CEP89: variants seen among roughly 807,000 people sequenced by gnomAD.
CEP89 encodes centrosomal protein of 89 kDa.
Under a neutral mutation model 97.6 loss-of-function variants are expected in CEP89, and 95 were observed. That is an observed-to-expected ratio of 0.97 (90% CI 0.82 to 1.15). The LOEUF is 1.15. Ranked by LOEUF, CEP89 falls within the 50% of genes most tolerant of loss-of-function variation. The pLI, the probability that CEP89 is intolerant of heterozygous loss-of-function variation, is 0.00. For missense variants in CEP89, 869 were observed against 947.7 expected, an observed-to-expected ratio of 0.92 and a Z score of 1.09; for synonymous variants, 354 against 349.1, an observed-to-expected ratio of 1.01 and a Z score of -0.16.
At chr19:32,944,670 AG>A (rs75356932) in intron 5 of CEP89, among the ~76,000 whole-genome samples, 8,576 of 152,242 alleles carry the variant, frequency 0.056, 294 homozygotes, top group South Asian at 0.15. Context: ...TACTAGCAAG[AG>A]GGGACTGTGG....
intron 4 of CEP89, among the ~76,000 whole-genome samples, chr19:32,949,417 A>G (rs1970866029): frequency 6.6e-6 from 1 of 151,086 alleles, no homozygotes; most frequent in Non-Finnish European, 1.5e-5. Flanking sequence ...ACATGGTCTC[A>G]CTCTGTCACC....
Position 32,926,276 on chromosome 19 carries a change from G to A in CEP89, c.1081-3C>T, listed in dbSNP as rs1378574344. ...GGTGACAGGTACTTTATATCCAACT[G>A]AAGATAGAGAGTAAAGGAAGGTTAA... is the stretch of plus-strand genomic sequence containing the variant. On this transcript the variant is annotated splice_polypyrimidine_tract_variant and splice_region_variant and intron_variant, in intron 10 of 18. Transcript: ENST00000305768. The A allele has an allele frequency of 1.3e-6, 2 of 1,597,546 alleles. No individual in the cohort carries two copies. Among genetic ancestry groups the A allele is most frequent in the Admixed American group, 1.7e-5 (1 of 59,866 alleles).
chr19:32,932,178 C>G (rs2145929390), intron 8 of CEP89, among the ~76,000 whole-genome samples: 1 of 139,632 alleles, frequency 7.2e-6, no homozygotes, highest in South Asian at 2.3e-4. Context: ...GAGACTCCAT[C>G]TCACAAAAAA....
At chr19:32,889,590 A>G (rs1221372652) in intron 16 of CEP89, among the ~76,000 whole-genome samples, 14 of 152,058 alleles carry the variant, frequency 9.2e-5, no homozygotes, top group Non-Finnish European at 1.9e-4. Context: ...GCCCACAAAT[A>G]TTGGGGGTGG....
chr19:32,896,765 GTCTC>G (rs199765675), intron 16 of CEP89, among the ~76,000 whole-genome samples: 3 of 150,946 alleles, frequency 2.0e-5, no homozygotes, highest in African/African-American at 7.3e-5. Context: ...AGTTCTCTCT[GTCTC>G]TCTCTCTCTC....
At chr19:32,956,909 CTATAGAG>C (rs879398977) in intron 3 of CEP89, among the ~76,000 whole-genome samples, 1 of 152,090 alleles carries the variant, frequency 6.6e-6, no homozygotes, top group Non-Finnish European at 1.5e-5. Flanking sequence ...ATTTGTGTGT[CTATAGAG>C]TATAGTCCTT....
chr19:32,899,526 C>A (rs1416333652), intron 16 of CEP89, among the ~76,000 whole-genome samples: 2 of 152,080 alleles, frequency 1.3e-5, no homozygotes, highest in Non-Finnish European at 2.9e-5. Flanking sequence ...AACTGTATAT[C>A]AAAAATGCAT....
At chr19:32,918,941 G>A (rs1455913973) in intron 12 of CEP89, among the ~76,000 whole-genome samples, 1 of 140,794 alleles carries the variant, frequency 7.1e-6, no homozygotes, top group East Asian at 2.1e-4. Context: ...CTGGAGTGCA[G>A]TGGCGCAATC....
intron 2 of CEP89, among the ~76,000 whole-genome samples, chr19:32,960,724 C>T (rs1313895076): frequency 2.0e-5 from 3 of 151,680 alleles, no homozygotes; most frequent in East Asian, 3.9e-4. Context: ...GCAGGAGAAT[C>T]GGTTGAACCC....
intron 11 of CEP89, among the ~76,000 whole-genome samples, chr19:32,925,739 C>T (rs576907662): frequency 6.2e-4 from 94 of 152,172 alleles, no homozygotes; most frequent in Non-Finnish European, 1.2e-3. Context: ...CCACCCACCT[C>T]GGCCTCCCAA....
intron 14 of CEP89, among the ~76,000 whole-genome samples, chr19:32,908,782 C>A (rs955895970): frequency 4.6e-5 from 7 of 152,242 alleles, no homozygotes; most frequent in Admixed American, 1.3e-4. Flanking sequence ...GCTGAACCAG[C>A]GCTCACACCG....
At chr19:32,902,964 G>A (rs1473244152) in intron 14 of CEP89, among the ~76,000 whole-genome samples, 1 of 152,194 alleles carries the variant, frequency 6.6e-6, no homozygotes, top group African/African-American at 2.4e-5. Context: ...CCTTAGAAGA[G>A]TGTTACTGTC....
rs1414401240 is a variant in CEP89, at chr19:32,915,385, C to T, written c.1517G>A (p.Gly506Asp). 7 of 1,612,144 alleles carry T rather than the reference C, an allele frequency of 4.3e-6. No individual in the cohort carries two copies. The highest frequency in any genetic ancestry group is 5.9e-6 in the Non-Finnish European group (7 of 1,179,426). ...TTTATGAACTTCCACTGCGATTTTG[C>T]CATCCGAGTGTGTTTTGAGTTCTTG... ...KCQELKTHSD[G>D]KIAVEVHKSI... Residue 506 changes from glycine to aspartate, a missense_variant, in exon 14 of 19, where the codon GGC (glycine) becomes GAC (aspartate). By Grantham distance (94) the Gly-to-Asp change is moderately conservative. Transcript: ENST00000305768.
intron 16 of CEP89, among the ~76,000 whole-genome samples, chr19:32,891,485 CATA>C (rs1969516512): frequency 6.6e-6 from 1 of 152,082 alleles, no homozygotes; most frequent in African/African-American, 2.4e-5. Flanking sequence ...TCCAAAGGAA[CATA>C]ATAATTCTCC....
chr19:32,950,717 G>A (rs1970894699), intron 4 of CEP89, among the ~76,000 whole-genome samples: 1 of 152,130 alleles, frequency 6.6e-6, no homozygotes, highest in South Asian at 2.1e-4. Flanking sequence ...TGTACATCAA[G>A]GGACACATCG....
At chr19:32,946,766 G>A (rs1970806553) in intron 5 of CEP89, among the ~76,000 whole-genome samples, 1 of 152,022 alleles carries the variant, frequency 6.6e-6, no homozygotes, top group South Asian at 2.1e-4. Context: ...TCTCTTGTCT[G>A]CTTCCATGTA....
chr19:32,924,858 C>G (rs569342287), intron 11 of CEP89, among the ~76,000 whole-genome samples: 1 of 152,264 alleles, frequency 6.6e-6, no homozygotes, highest in South Asian at 2.1e-4. Flanking sequence ...CAGGTGCAAA[C>G]AGAAACTGCA....
intron 16 of CEP89, among the ~76,000 whole-genome samples, chr19:32,892,202 C>CATATATATAT (rs71336973): frequency 3.3e-4 from 38 of 115,026 alleles, no homozygotes; most frequent in East Asian, 7.1e-4. Context: ...TATATTTAGA[C>CATATATATAT]ATATATATAT....
chr19:32,879,821 T>C (rs1157796293), intron 18 of CEP89, among the ~76,000 whole-genome samples: 2 of 152,236 alleles, frequency 1.3e-5, no homozygotes, highest in Admixed American at 6.5e-5. Flanking sequence ...GCCCCTCCTG[T>C]GTCCCGTCTG....
Sources: allele counts gnomAD v4.1 joint callset (sites outside exome capture counted in the v4.1 genomes callset), GRCh38; gene constraint gnomAD v4.1.1; transcripts MANE v1.5; gene names NCBI Gene and HGNC (gene_info 2026-07-23, HGNC 2026-07-21).